GRIP1: variants seen among roughly 807,000 people sequenced by gnomAD.
GRIP1 encodes the protein glutamate receptor-interacting protein 1.
Under a neutral mutation model 129.9 loss-of-function variants are expected in GRIP1, and 45 were observed. The observed-to-expected ratio is 0.35, with a 90% CI of 0.27 to 0.44. GRIP1 has a LOEUF of 0.44. Ranked by LOEUF, GRIP1 falls within the 20% of genes least tolerant of loss-of-function variation. The pLI is 1.00. For missense variants in GRIP1, 1,196 were observed against 1,396.8 expected, an observed-to-expected ratio of 0.86 and a Z score of 2.29; for synonymous variants, 530 against 520.8, an observed-to-expected ratio of 1.02 and a Z score of -0.24.
chr12:66,447,574 TG>T (rs2058667068), intron 11 of GRIP1, among the ~76,000 whole-genome samples: 1 of 152,182 alleles, frequency 6.6e-6, no homozygotes. Context: ...TATCATTATT[TG>T]TTCCCTCTTC....
intron 1 of GRIP1, among the ~76,000 whole-genome samples, chr12:66,638,757 T>C (rs1592685450): frequency 6.6e-6 from 1 of 152,128 alleles, no homozygotes; most frequent in Non-Finnish European, 1.5e-5. Flanking sequence ...CTCTCTCTCT[T>C]TTTTTTGTCT....
At chr12:66,862,133 T>G (rs912531638) in intron 1 of GRIP1, among the ~76,000 whole-genome samples, 1 of 152,078 alleles carries the variant, frequency 6.6e-6, no homozygotes, top group African/African-American at 2.4e-5. Flanking sequence ...TGTAACTAGG[T>G]CCTGTTAAGC....
At chr12:66,363,200 C>CTATATATAT (rs1565666281) in intron 23 of GRIP1, among the ~76,000 whole-genome samples, 1,383 of 88,218 alleles carry the variant, frequency 0.016, 134 homozygotes, top group Non-Finnish European at 0.02. Context: ...TGTGTGTGTC[C>CTATATATAT]ATATATATAT....
At chr12:67,014,785 G>A (rs2042761278) in intron 1 of GRIP1, among the ~76,000 whole-genome samples, 1 of 151,996 alleles carries the variant, frequency 6.6e-6, no homozygotes, top group South Asian at 2.1e-4. Flanking sequence ...ACAGAAAACT[G>A]TTTTTCTAAA....
At chr12:66,440,606 A>C (rs2138060846) in intron 13 of GRIP1, among the ~76,000 whole-genome samples, 1 of 152,278 alleles carries the variant, frequency 6.6e-6, no homozygotes, top group Non-Finnish European at 1.5e-5. Flanking sequence ...ACAAATTCAT[A>C]AGAGGTCTTC....
chr12:66,682,508 T>C (rs2034624981), upstream of GRIP1, among the ~76,000 whole-genome samples: 1 of 152,124 alleles, frequency 6.6e-6, no homozygotes, highest in Non-Finnish European at 1.5e-5. Context: ...AACCTTAAGA[T>C]TGGCTCAAAG....
chr12:67,014,328 TTA>T (rs2042752440), intron 1 of GRIP1, among the ~76,000 whole-genome samples: 1 of 152,132 alleles, frequency 6.6e-6, no homozygotes, highest in Admixed American at 6.6e-5. Flanking sequence ...GAATGATAAA[TTA>T]TATGAGCACC....
chr12:66,942,080 T>C (rs1004612711), intron 1 of GRIP1, among the ~76,000 whole-genome samples: 8 of 152,222 alleles, frequency 5.3e-5, no homozygotes, highest in Non-Finnish European at 8.8e-5. Context: ...GTGCTTTGCA[T>C]GTACTAATTC....
At chr12:66,697,129 T>G (rs2035193583) in intron 1 of GRIP1, among the ~76,000 whole-genome samples, 1 of 152,308 alleles carries the variant, frequency 6.6e-6, no homozygotes. Context: ...GCAAATGTAT[T>G]AATGGATAGA....
intron 1 of GRIP1, among the ~76,000 whole-genome samples, chr12:66,627,814 TCTC>T (rs2030267251): frequency 6.6e-6 from 1 of 151,708 alleles, no homozygotes; most frequent in Non-Finnish European, 1.5e-5. Flanking sequence ...AGGAAGAAAA[TCTC>T]CTTCTGCTAG....
At chr12:66,882,292 T>A (rs928862315) in intron 1 of GRIP1, among the ~76,000 whole-genome samples, 7 of 151,530 alleles carry the variant, frequency 4.6e-5, no homozygotes, top group African/African-American at 9.7e-5. Flanking sequence ...GGGATAATTT[T>A]AAAAGGGGAC....
At chr12:66,379,185 T>C in intron 20 of GRIP1, 95 bp downstream of exon 20, 1 of 1,284,170 alleles carries the variant, frequency 7.8e-7, no homozygotes, top group Non-Finnish European at 1.1e-6. Context: ...AAGCCCATAC[T>C]AACAATATGT....
chr12:66,575,568 T>C (rs1456987692), intron 2 of GRIP1, among the ~76,000 whole-genome samples: 1 of 152,248 alleles, frequency 6.6e-6, no homozygotes, highest in Non-Finnish European at 1.5e-5. Context: ...CTTGCCACCA[T>C]AATGACAACC....
At chr12:66,351,349 G>T (rs980221688) in intron 24 of GRIP1, among the ~76,000 whole-genome samples, 2 of 152,152 alleles carry the variant, frequency 1.3e-5, no homozygotes, top group Admixed American at 1.3e-4. Context: ...CATAAGATCA[G>T]AAATCTGCTT....
chr12:66,737,145 T>C (rs906166888), intron 1 of GRIP1, among the ~76,000 whole-genome samples: 9 of 152,200 alleles, frequency 5.9e-5, no homozygotes, highest in Non-Finnish European at 1.2e-4. Context: ...GGGGTTACTA[T>C]GTCATTCCCC....
intron 1 of GRIP1, among the ~76,000 whole-genome samples, chr12:66,931,481 G>A (rs947494000): frequency 2.0e-5 from 3 of 152,166 alleles, no homozygotes; most frequent in Admixed American, 6.5e-5. Context: ...GAGGAAGACG[G>A]ACAGAGAAAA....
At chr12:66,360,391 A>G (rs544501831) in intron 23 of GRIP1, among the ~76,000 whole-genome samples, 21 of 152,146 alleles carry the variant, frequency 1.4e-4, no homozygotes, top group African/African-American at 5.1e-4. Context: ...ATTCTACCCT[A>G]GCCTGTGTAA....
At chr12:67,001,438 T>C (rs2042549629) in intron 1 of GRIP1, among the ~76,000 whole-genome samples, 3 of 152,228 alleles carry the variant, frequency 2.0e-5, no homozygotes, top group Non-Finnish European at 4.4e-5. Flanking sequence ...ACAGAACATT[T>C]ATCAGTACAT....
intron 1 of GRIP1, among the ~76,000 whole-genome samples, chr12:66,871,335 T>C (rs574384681): frequency 3.7e-4 from 57 of 152,222 alleles, no homozygotes; most frequent in African/African-American, 1.2e-3. Context: ...CACTCAGACA[T>C]AGAACAGCAC....
Sources: allele counts gnomAD v4.1 joint callset (sites outside exome capture counted in the v4.1 genomes callset), GRCh38; gene constraint gnomAD v4.1.1; transcripts MANE v1.5; gene names NCBI Gene and HGNC (gene_info 2026-07-23, HGNC 2026-07-21).